The following TAFA4 variants were observed in gnomAD, a reference collection of about 807,000 sequenced individuals.
TAFA4 encodes TAFA chemokine like family member 4.
Under a neutral mutation model 21.1 loss-of-function variants are expected in TAFA4, and 20 were observed. The ratio of observed to expected loss-of-function variants is 0.95; its 90% confidence interval spans 0.67 to 1.38. TAFA4 has a LOEUF of 1.38. Among genes scored for constraint, TAFA4 ranks in the 40% most tolerant of loss-of-function variants. TAFA4 has a pLI of 0.00. For missense variants in TAFA4, 211 were observed against 180.9 expected (o/e 1.17, Z -0.95); for synonymous variants, 71 against 67.4 (o/e 1.05, Z -0.26).
At chr3:68,925,879 T>C (rs1227988463) in intron 1 of TAFA4, among the ~76,000 whole-genome samples, 2 of 152,144 alleles carry the variant, frequency 1.3e-5, no homozygotes, top group Non-Finnish European at 2.9e-5. Context: ...TAATGGGCCT[T>C]TGCTGAGTAA....
intron 3 of TAFA4, among the ~76,000 whole-genome samples, chr3:68,851,898 G>A (rs1270994687): frequency 6.6e-6 from 1 of 152,080 alleles, no homozygotes; most frequent in Non-Finnish European, 1.5e-5. Flanking sequence ...TAGGACAAGG[G>A]TGAGCAAAGG....
intron 3 of TAFA4, among the ~76,000 whole-genome samples, chr3:68,761,428 G>C (rs1373271910): frequency 6.6e-6 from 1 of 152,102 alleles, no homozygotes; most frequent in Non-Finnish European, 1.5e-5. Context: ...AAAATAGGAA[G>C]AGCCTAAGAA....
chr3:68,879,156 G>A (rs2089587196), intron 3 of TAFA4, among the ~76,000 whole-genome samples: 1 of 152,134 alleles, frequency 6.6e-6, no homozygotes, highest in South Asian at 2.1e-4. Flanking sequence ...AGTGCCAGGA[G>A]CCTCTCTGGA....
chr3:68,849,841 T>C (rs1327729173), intron 3 of TAFA4, among the ~76,000 whole-genome samples: 1 of 152,218 alleles, frequency 6.6e-6, no homozygotes, highest in Non-Finnish European at 1.5e-5. Context: ...TTCATTCAAC[T>C]TCAACAGCCC....
intron 3 of TAFA4, among the ~76,000 whole-genome samples, chr3:68,837,559 C>A (rs1412630841): frequency 1.3e-5 from 2 of 150,706 alleles, no homozygotes; most frequent in Admixed American, 6.6e-5. Flanking sequence ...CTGGCACCCG[C>A]CCCCCACTCC....
At chr3:68,799,892 A>G (rs1322009523) in intron 3 of TAFA4, among the ~76,000 whole-genome samples, 3 of 152,074 alleles carry the variant, frequency 2.0e-5, no homozygotes, top group Non-Finnish European at 4.4e-5. Context: ...CTCACATTAC[A>G]GCCTGAGCTC....
intron 3 of TAFA4, among the ~76,000 whole-genome samples, chr3:68,876,228 C>T (rs958712081): frequency 1.2e-4 from 18 of 152,186 alleles, no homozygotes; most frequent in African/African-American, 3.1e-4. Flanking sequence ...TCCTCTGTTG[C>T]CTTTTACTTT....
Position 68,762,922 on chromosome 3 carries a change from C to A in TAFA4, c.131-9904G>T, listed in dbSNP as rs187749074. 3.9e-3 allele frequency among the ~76,000 whole-genome samples: 593 copies of A among 152,344 alleles called. 2 individuals carry two copies. Among genetic ancestry groups the A allele is most frequent in the Non-Finnish European group, 6.8e-3 (463 of 68,032 alleles). Reference sequence around the variant, plus strand: ...GTGTGGTGGCACATGCCTGAAATCCCAGCTACTCAGGTGGCTAAGGCATGA... The same window carrying A: ...GTGTGGTGGCACATGCCTGAAATCCAAGCTACTCAGGTGGCTAAGGCATGA... On this transcript the variant is annotated intron_variant, in intron 3 of 5. Coordinates refer to ENST00000295569, the MANE Select transcript of TAFA4 (RefSeq NM_182522.5).
intron 3 of TAFA4, among the ~76,000 whole-genome samples, chr3:68,801,211 T>A (rs563260834): frequency 3.9e-5 from 6 of 152,244 alleles, no homozygotes; most frequent in African/African-American, 1.4e-4. Flanking sequence ...GTCATAGACA[T>A]GTAGGTTTCC....
intron 3 of TAFA4, among the ~76,000 whole-genome samples, chr3:68,857,828 A>G (rs1705104923): frequency 1.4e-5 from 2 of 141,062 alleles, no homozygotes; most frequent in African/African-American, 6.2e-5. Context: ...AAACAAAAAG[A>G]AAAAAAAACA....
At chr3:68,777,727 T>G (rs1703074183) in intron 3 of TAFA4, among the ~76,000 whole-genome samples, 1 of 152,192 alleles carries the variant, frequency 6.6e-6, no homozygotes, top group South Asian at 2.1e-4. Context: ...TACATAATAA[T>G]GTATCTGTCG....
intron 3 of TAFA4, among the ~76,000 whole-genome samples, chr3:68,868,515 C>T (rs1184473831): frequency 1.3e-5 from 2 of 151,876 alleles, no homozygotes; most frequent in African/African-American, 2.4e-5. Context: ...AAACAAGTCT[C>T]AACAAATTCA....
At chr3:68,858,833 C>G (rs1176702719) in intron 3 of TAFA4, among the ~76,000 whole-genome samples, 1 of 151,960 alleles carries the variant, frequency 6.6e-6, no homozygotes, top group African/African-American at 2.4e-5. Context: ...GACAAAGAAA[C>G]TTGAAATTTG....
chr3:68,782,670 T>G (rs765553800), intron 3 of TAFA4, among the ~76,000 whole-genome samples: 1 of 152,098 alleles, frequency 6.6e-6, no homozygotes, highest in Admixed American at 6.6e-5. Flanking sequence ...ACAATTCCAT[T>G]TATATGAAAT....
chr3:68,771,827 C>A (rs901811511), intron 3 of TAFA4, among the ~76,000 whole-genome samples: 1 of 152,180 alleles, frequency 6.6e-6, no homozygotes, highest in Non-Finnish European at 1.5e-5. Context: ...GCTTCATATT[C>A]ACCAAAATTG....
chr3:68,745,914 G>T (rs1702448456), intron 4 of TAFA4, among the ~76,000 whole-genome samples: 1 of 152,140 alleles, frequency 6.6e-6, no homozygotes, highest in Non-Finnish European at 1.5e-5. Flanking sequence ...TTGTTCCTGG[G>T]TATGCCTGTG....
intron 3 of TAFA4, among the ~76,000 whole-genome samples, chr3:68,880,070 C>G (rs888399096): frequency 2.6e-5 from 4 of 151,200 alleles, no homozygotes; most frequent in African/African-American, 9.7e-5. Flanking sequence ...CACACACACA[C>G]ACACACACAA....
At chr3:68,807,420 CAGACTGGCCACAAGT>C (rs1703724752) in intron 3 of TAFA4, among the ~76,000 whole-genome samples, 1 of 152,174 alleles carries the variant, frequency 6.6e-6, no homozygotes, top group South Asian at 2.1e-4. Flanking sequence ...AAATCCAAGC[CAGACTGGCCACAAGT>C]AGACATTTTT....
chr3:68,923,684 T>G lies in TAFA4; in HGVS notation c.-123+8556A>C, dbSNP rs537717826. ...CAATGAACATCTGACCTACAGGAAC[T>G]CCAGATCTCGGTGAAATTCCTTTGT... On this transcript the variant is annotated intron_variant, in intron 1 of 5. Transcript: ENST00000295569. Among the ~76,000 whole-genome samples, 5 of 152,168 alleles carry G rather than the reference T, an allele frequency of 3.3e-5. No homozygotes were observed. In the East Asian group the frequency reaches 5.8e-4, roughly 18 times the overall value.
Sources: gnomAD v4.1 joint callset for allele counts (sites outside exome capture counted in the v4.1 genomes callset) on GRCh38, gnomAD v4.1.1 for gene constraint, MANE v1.5 for transcripts, NCBI Gene and HGNC (gene_info 2026-07-23, HGNC 2026-07-21) for gene names.